The following NPAS3 variants were observed in gnomAD, a reference collection of about 807,000 sequenced individuals.
NPAS3 encodes the protein neuronal PAS domain-containing protein 3.
In NPAS3, 14 loss-of-function variants were observed where a neutral mutation model predicts 73.1. The observed-to-expected ratio is 0.19, with a 90% CI of 0.13 to 0.30. The LOEUF is 0.30. Among genes scored for constraint, NPAS3 ranks in the 10% least tolerant of loss-of-function variants. NPAS3 has a pLI of 1.00. For synonymous variants in NPAS3, 620 were observed against 541.5 expected (o/e 1.14, Z -2.01); for missense variants, 1,096 against 1,250.0 (o/e 0.88, Z 1.86).
intron 4 of NPAS3, among the ~76,000 whole-genome samples, chr14:33,551,701 C>A (rs1193906191): frequency 1.3e-5 from 2 of 152,128 alleles, no homozygotes; most frequent in Non-Finnish European, 2.9e-5. Context: ...GTCTTACATA[C>A]CAGCTGCCTA....
intron 3 of NPAS3, among the ~76,000 whole-genome samples, chr14:33,310,918 T>A (rs1566784802): frequency 6.6e-6 from 1 of 152,070 alleles, no homozygotes; most frequent in Non-Finnish European, 1.5e-5. Flanking sequence ...GACCTTAGGA[T>A]CACTGTGCAC....
chr14:33,077,367 C>G (rs1566535197), intron 2 of NPAS3, among the ~76,000 whole-genome samples: 1 of 152,138 alleles, frequency 6.6e-6, no homozygotes, highest in Admixed American at 6.5e-5. Flanking sequence ...GACTGTATTG[C>G]CAGTGCTTGC....
chr14:33,433,107 T>G (rs2048847655), intron 4 of NPAS3, among the ~76,000 whole-genome samples: 1 of 152,210 alleles, frequency 6.6e-6, no homozygotes, highest in African/African-American at 2.4e-5. Context: ...ATTAACTACA[T>G]TTTAAGAAAC....
intron 4 of NPAS3, among the ~76,000 whole-genome samples, chr14:33,498,933 A>AGTGTGTGT (rs1466938045): frequency 4.8e-4 from 37 of 76,988 alleles, no homozygotes; most frequent in African/African-American, 2.0e-3. Flanking sequence ...AGACAGAGAG[A>AGTGTGTGT]GAGTGTGTGT....
intron 10 of NPAS3, 30 bp downstream of exon 10, chr14:33,794,074 TC>T: frequency 6.3e-7 from 1 of 1,590,730 alleles, no homozygotes; most frequent in Non-Finnish European, 8.6e-7. Context: ...TCTATTTCTG[TC>T]CTGGTTATAA....
intron 7 of NPAS3, among the ~76,000 whole-genome samples, chr14:33,762,150 A>G (rs2140834012): frequency 6.6e-6 from 1 of 152,372 alleles, no homozygotes; most frequent in African/African-American, 2.4e-5. Context: ...TTTCTTATGT[A>G]TAACTACTCT....
intron 5 of NPAS3, among the ~76,000 whole-genome samples, chr14:33,622,331 A>C (rs1595297734): frequency 6.6e-6 from 1 of 152,144 alleles, no homozygotes; most frequent in Non-Finnish European, 1.5e-5. Flanking sequence ...AAGCCATTTT[A>C]CTGAAAGTGC....
At chr14:33,334,536 C>G (rs938954511) in intron 3 of NPAS3, among the ~76,000 whole-genome samples, 1 of 152,052 alleles carries the variant, frequency 6.6e-6, no homozygotes, top group African/African-American at 2.4e-5. Flanking sequence ...GGGGTTAATT[C>G]AAGTTATTTT....
intron 2 of NPAS3, among the ~76,000 whole-genome samples, chr14:33,147,831 T>G (rs2044301657): frequency 6.6e-6 from 1 of 150,664 alleles, no homozygotes; most frequent in Non-Finnish European, 1.5e-5. Flanking sequence ...GCCAGGCAAT[T>G]ATTAGAAGAT....
chr14:33,420,926 C>A (rs748231628), intron 4 of NPAS3, among the ~76,000 whole-genome samples: 2 of 151,866 alleles, frequency 1.3e-5, no homozygotes, highest in African/African-American at 2.4e-5. Context: ...TTATTTCCAG[C>A]TCAATATTAG....
At chr14:33,292,054 C>T (rs2042120792) in intron 3 of NPAS3, among the ~76,000 whole-genome samples, 2 of 152,224 alleles carry the variant, frequency 1.3e-5, no homozygotes, top group African/African-American at 2.4e-5. Context: ...GTATTTTATA[C>T]TCCTTGCCTC....
chr14:33,284,659 TC>T (rs540634552), intron 3 of NPAS3, among the ~76,000 whole-genome samples: 59 of 152,278 alleles, frequency 3.9e-4, no homozygotes, highest in Non-Finnish European at 7.5e-4. Context: ...AGGAACTGTT[TC>T]TTAAGGAAAA....
intron 4 of NPAS3, among the ~76,000 whole-genome samples, chr14:33,419,788 G>A (rs766143478): frequency 6.6e-6 from 1 of 151,856 alleles, no homozygotes; most frequent in Non-Finnish European, 1.5e-5. Flanking sequence ...AAAATAAAGT[G>A]AAATAAACTC....
intron 3 of NPAS3, among the ~76,000 whole-genome samples, chr14:33,335,495 G>C (rs994831195): frequency 2.0e-5 from 3 of 152,152 alleles, no homozygotes; most frequent in African/African-American, 7.2e-5. Flanking sequence ...AAGCTTTAAG[G>C]TTCCTGAAAG....
chr14:33,272,531 C>T (rs867812029), intron 3 of NPAS3, among the ~76,000 whole-genome samples: 5 of 152,128 alleles, frequency 3.3e-5, no homozygotes, highest in African/African-American at 9.7e-5. Context: ...ATTCTCTTCC[C>T]TCAGCCTCCC....
At chr14:33,353,920 T>C (rs1393749535) in intron 3 of NPAS3, among the ~76,000 whole-genome samples, 1 of 152,210 alleles carries the variant, frequency 6.6e-6, no homozygotes, top group Non-Finnish European at 1.5e-5. Context: ...TAGATCATTA[T>C]GTTGTTTAAA....
chr14:33,544,788 T>TTATATATATATATATATA lies in NPAS3; in HGVS notation c.469-15327_469-15310dup, dbSNP rs71406561. Among the ~76,000 whole-genome samples the TTATATATATATATATATA allele has an allele frequency of 8.1e-4, 51 of 63,258 alleles. 4 individuals carry two copies. The highest frequency in any genetic ancestry group is 4.1e-3 in the African/African-American group (47 of 11,580). The allele number at this position is 63,258 out of a possible 152,430, so 41.5% of individuals were successfully genotyped here. ...GCATGTATGTGTTTATGTGTGTGTA[T>TTATATATATATATATATA]TATATATATATATATATATATATGT... On this transcript the variant is annotated intron_variant, in intron 4 of 11. Coordinates refer to ENST00000356141, the Ensembl canonical transcript of NPAS3.
intron 1 of NPAS3, among the ~76,000 whole-genome samples, chr14:32,972,410 T>C (rs12586198): frequency 0.15 from 22,364 of 152,216 alleles, 1,757 homozygotes; most frequent in African/African-American, 0.2. Context: ...TCTGTTCTAT[T>C]TTTGAAGATT....
At chr14:33,142,036 C>G (rs1424720231) in intron 2 of NPAS3, among the ~76,000 whole-genome samples, 1 of 152,000 alleles carries the variant, frequency 6.6e-6, no homozygotes, top group Admixed American at 6.6e-5. Flanking sequence ...ATTTCTTTTG[C>G]CATTCAATGG....
Sources: gnomAD v4.1 joint callset for allele counts (sites outside exome capture counted in the v4.1 genomes callset) on GRCh38, gnomAD v4.1.1 for gene constraint, MANE v1.5 for transcripts, NCBI Gene and HGNC (gene_info 2026-07-23, HGNC 2026-07-21) for gene names.